Variants in SLC38A9 observed in about 807,000 individuals in gnomAD.
The protein encoded by SLC38A9 is neutral amino acid transporter 9.
SLC38A9 carries 48 observed loss-of-function variants against 62.3 expected under a neutral mutation model. The observed-to-expected ratio is 0.77, with a 90% CI of 0.61 to 0.98. The LOEUF (loss-of-function observed/expected upper bound fraction) is 0.98. Among genes scored for constraint, SLC38A9 ranks in the 50% least tolerant of loss-of-function variants. SLC38A9 has a pLI of 0.00. For missense variants in SLC38A9, 541 were observed against 679.8 expected, an observed-to-expected ratio of 0.80 and a Z score of 2.27; for synonymous variants, 204 against 227.7, an observed-to-expected ratio of 0.90 and a Z score of 0.94.
At chr5:55,693,073 C>T (rs1754965815) in intron 3 of SLC38A9, 2 of 882,540 alleles carry the variant, frequency 2.3e-6, no homozygotes, top group Non-Finnish European at 2.7e-6. Context: ...CCCATTGTGA[C>T]TCAAAAAAAT....
intron 2 of SLC38A9, among the ~76,000 whole-genome samples, chr5:55,701,916 G>A (rs1756699909): frequency 6.6e-6 from 1 of 152,150 alleles, no homozygotes. Flanking sequence ...ACTATGCTAT[G>A]CTGTCTTTCC....
intron 7 of SLC38A9, among the ~76,000 whole-genome samples, chr5:55,665,822 G>T (rs981962341): frequency 2.2e-4 from 34 of 152,086 alleles, no homozygotes; most frequent in African/African-American, 7.7e-4. Flanking sequence ...AATTAGCCAG[G>T]CGTGACAGCG....
intron 13 of SLC38A9, chr5:55,634,516 T>C (rs1232528539): frequency 6.6e-6 from 1 of 152,230 alleles, no homozygotes; most frequent in Non-Finnish European, 1.5e-5. Context: ...TTTTTATCTT[T>C]TCTTTCAAAT....
intron 12 of SLC38A9, among the ~76,000 whole-genome samples, chr5:55,636,952 G>A (rs1048117504): frequency 1.3e-5 from 2 of 152,148 alleles, no homozygotes; most frequent in South Asian, 2.1e-4. Context: ...TAGGTCTGAC[G>A]GGAGGCCAGA....
intron 2 of SLC38A9, among the ~76,000 whole-genome samples, chr5:55,705,252 A>C (rs1164977250): frequency 6.6e-6 from 1 of 152,160 alleles, no homozygotes; most frequent in East Asian, 1.9e-4. Flanking sequence ...AAAGGATATC[A>C]AAAAGACAAA....
intron 8 of SLC38A9, among the ~76,000 whole-genome samples, chr5:55,661,844 C>A (rs1580227854): frequency 1.3e-5 from 2 of 152,180 alleles, no homozygotes; most frequent in Non-Finnish European, 2.9e-5. Context: ...AAGAAAAGGA[C>A]CAACAACCCG....
intron 8 of SLC38A9, among the ~76,000 whole-genome samples, chr5:55,662,960 A>G (rs1346284856): frequency 1.3e-5 from 2 of 150,674 alleles, no homozygotes; most frequent in Non-Finnish European, 2.9e-5. Context: ...CAGTGGTGCA[A>G]TCTCAGTCAC....
Position 55,671,504 on chromosome 5 carries a change from TC to T in SLC38A9, c.246+1058del, listed in dbSNP as rs1427175377. ...TGTACATATTTCAGTTTCCCATTCT[TC>T]TTTTTTTTTTTTTTTAAGAGATGGG... On this transcript the variant is annotated intron_variant, in intron 4 of 15. Transcript: ENST00000396865. Among the ~76,000 whole-genome samples, 9 of 150,000 alleles carry T rather than the reference TC, an allele frequency of 6.0e-5. 1 individual carries two copies. The highest frequency in any genetic ancestry group is 6.6e-5 in the Admixed American group (1 of 15,080).
Position 55,633,831 on chromosome 5 carries a change from C to T in SLC38A9, c.1353G>A (p.Met451Ile). Residue 451 changes from methionine to isoleucine, a missense_variant, in exon 14 of 16, where the codon ATG (methionine) becomes ATA (isoleucine). Transcript: ENST00000396865. ...AGCCTAAGAGTGGGTATACAGTCATCATCTGGAACAGCAGGAATATCCTTG... is the reference window on the plus strand; with the variant it reads ...AGCCTAAGAGTGGGTATACAGTCATTATCTGGAACAGCAGGAATATCCTTG... ...FIARIFLLFQMMTVYPLLGYL... is the reference protein window; with the variant it reads ...FIARIFLLFQIMTVYPLLGYL... 1 of 1,614,106 alleles carries T rather than the reference C, an allele frequency of 6.2e-7. No homozygotes were observed. Among genetic ancestry groups the T allele is most frequent in the Non-Finnish European group, 8.5e-7 (1 of 1,180,004 alleles).
intron 10 of SLC38A9, among the ~76,000 whole-genome samples, chr5:55,649,631 G>A (rs534114613): frequency 1.4e-4 from 22 of 152,260 alleles, no homozygotes; most frequent in African/African-American, 5.1e-4. Context: ...AGACCAAACC[G>A]GCCAACATGG....
intron 3 of SLC38A9, among the ~76,000 whole-genome samples, chr5:55,694,734 C>T (rs1033306226): frequency 3.5e-5 from 5 of 144,734 alleles, no homozygotes; most frequent in African/African-American, 1.3e-4. Context: ...CCGCTCCCCA[C>T]CCTTCTCCTC....
chr5:55,704,797 C>A (rs1487184449), intron 2 of SLC38A9, among the ~76,000 whole-genome samples: 1 of 152,114 alleles, frequency 6.6e-6, no homozygotes, highest in East Asian at 1.9e-4. Context: ...GTTGATAGCT[C>A]ACAAGTAAGA....
At chr5:55,671,671 A>G (rs1012209603) in intron 4 of SLC38A9, among the ~76,000 whole-genome samples, 2 of 151,994 alleles carry the variant, frequency 1.3e-5, no homozygotes, top group Non-Finnish European at 2.9e-5. Flanking sequence ...AACATGGTGA[A>G]ACCGTGTCTC....
Position 55,686,049 on chromosome 5 carries a change from C to T in SLC38A9, c.113+11797G>A, listed in dbSNP as rs554655583. 1.2e-4 allele frequency among the ~76,000 whole-genome samples: 19 copies of T among 152,230 alleles called. No homozygotes were observed. In the East Asian group the frequency reaches 3.7e-3, roughly 29 times the overall value. On this transcript the variant is annotated intron_variant, in intron 3 of 15. Coordinates refer to ENST00000396865, the MANE Select transcript of SLC38A9 (RefSeq NM_173514.4). ...CATTGATGGGCCTTTTGGTTGATTC[C>T]ATGTCTTTGCTATTGTAAATACTGT...
At chr5:55,678,504 A>T (rs1321141094) in intron 3 of SLC38A9, among the ~76,000 whole-genome samples, 1 of 152,166 alleles carries the variant, frequency 6.6e-6, no homozygotes, top group Non-Finnish European at 1.5e-5. Context: ...AGCTTAAAAA[A>T]TAGCATGGAA....
intron 13 of SLC38A9, 190 bp from the exon 14 acceptor site, chr5:55,634,092 A>G: frequency 2.4e-6 from 1 of 416,362 alleles, no homozygotes; most frequent in African/African-American, 2.0e-5. Flanking sequence ...AAGTGTTCAG[A>G]AACTTTTACA....
At chr5:55,630,168 A>G (rs1052489358) in intron 14 of SLC38A9, among the ~76,000 whole-genome samples, 3 of 152,210 alleles carry the variant, frequency 2.0e-5, no homozygotes, top group Non-Finnish European at 4.4e-5. Flanking sequence ...TTTTCCAACT[A>G]TCTATGTGAG....
At chr5:55,694,072 G>GT (rs1755096337) in intron 3 of SLC38A9, 1 of 161,714 alleles carries the variant, frequency 6.2e-6, no homozygotes, top group African/African-American at 2.4e-5. Flanking sequence ...GCTGGTCACA[G>GT]TGGCATGCAC....
At chr5:55,654,594 A>C (rs1179226223) in intron 9 of SLC38A9, among the ~76,000 whole-genome samples, 2 of 151,464 alleles carry the variant, frequency 1.3e-5, no homozygotes, top group East Asian at 3.9e-4. Flanking sequence ...CAGCAGAGAG[A>C]GATCTTGTCT....
Sources: gnomAD v4.1 joint callset for allele counts (sites outside exome capture counted in the v4.1 genomes callset) on GRCh38, gnomAD v4.1.1 for gene constraint, MANE v1.5 for transcripts, NCBI Gene and HGNC (gene_info 2026-07-23, HGNC 2026-07-21) for gene names.